The following TMEM30A variants were observed in gnomAD, a reference collection of about 807,000 sequenced individuals.
TMEM30A encodes the protein cell division cycle 50 P4-ATPase accessory subunit A.
A neutral mutation model predicts 38.2 loss-of-function variants in TMEM30A; 24 were observed. The observed-to-expected ratio is 0.63, with a 90% confidence interval of 0.46 to 0.88. The LOEUF is 0.88. Ranked by LOEUF, TMEM30A falls within the 40% of genes least tolerant of loss-of-function variation. TMEM30A has a pLI of 0.00. For missense variants in TMEM30A, 370 were observed against 458.6 expected (o/e 0.81, Z 1.77); for synonymous variants, 145 against 161.6 (o/e 0.90, Z 0.78).
chr6:75,255,418 C>T lies in TMEM30A; in HGVS notation c.*684G>A, dbSNP rs1465844045. ...AGTTGGGGTTCCTGACTGCAACATT[C>T]AACCAAACGGAAAGAGGAATTTTTT... is the stretch of plus-strand genomic sequence containing the variant. On this transcript the variant is annotated 3_prime_UTR_variant, in exon 7 of 7. Coordinates refer to ENST00000230461, the MANE Select transcript of TMEM30A (RefSeq NM_018247.4). 1 of 152,368 alleles carries T rather than the reference C, an allele frequency of 6.6e-6. No individual in the cohort carries two copies. The highest frequency in any genetic ancestry group is 1.5e-5 in the Non-Finnish European group (1 of 67,956). The allele number at this position is 152,368 out of a possible 1,614,324, so 9.4% of individuals were successfully genotyped here.
At chr6:75,279,455 T>G (rs1242363498) in intron 1 of TMEM30A, among the ~76,000 whole-genome samples, 1 of 152,090 alleles carries the variant, frequency 6.6e-6, no homozygotes, top group African/African-American at 2.4e-5. Context: ...TTCCTATCTT[T>G]AGAAACAAAA....
chr6:75,258,655 A>G (rs553767696), intron 6 of TMEM30A, 125 bp downstream of exon 6: 1 of 765,822 alleles, frequency 1.3e-6, no homozygotes, highest in Non-Finnish European at 2.1e-6. Context: ...TATACCACAC[A>G]TACTTTTGTA....
At chr6:75,258,576 C>T (rs1040578015) in intron 6 of TMEM30A, among the ~76,000 whole-genome samples, 1 of 152,108 alleles carries the variant, frequency 6.6e-6, no homozygotes, top group Admixed American at 6.6e-5. Context: ...ATGCTTCAAA[C>T]CCCAGTACCA....
At chr6:75,263,808 T>A (rs2149520012) in intron 3 of TMEM30A, among the ~76,000 whole-genome samples, 1 of 152,308 alleles carries the variant, frequency 6.6e-6, no homozygotes, top group South Asian at 2.1e-4. Flanking sequence ...AAAAAGTTGA[T>A]CTATTCCTGG....
At chr6:75,269,886 G>A (rs1396822001) in intron 1 of TMEM30A, among the ~76,000 whole-genome samples, 1 of 152,046 alleles carries the variant, frequency 6.6e-6, no homozygotes, top group Non-Finnish European at 1.5e-5. Context: ...GTAGAGGCGG[G>A]GTTTCACCAT....
chr6:75,284,718 G>A lies in TMEM30A; in HGVS notation c.-80C>T. On this transcript the variant is annotated 5_prime_UTR_variant, in exon 1 of 7. Transcript: ENST00000230461. ...CGGCTGACCCTGACAGGAACCGCTC[G>A]AGCGCCGCTGCCGCCGCCGCCGCCG... 6.9e-7 allele frequency: 1 copy of A among 1,457,484 alleles called. No individual in the cohort carries two copies. The highest frequency in any genetic ancestry group is 1.1e-5 in the South Asian group (1 of 88,070). The allele number at this position is 1,457,484 out of a possible 1,614,324, so 90.3% of individuals were successfully genotyped here.
In TMEM30A at chr6:75,259,306, C is replaced by A. The variant is rs188944117; in HGVS notation, c.685+41G>T. Reference sequence around the variant, plus strand: ...GAAAATTTAAAATACTTCATTAAAACTCCTAGTTTAATTTTTTAAGGGATA... The same window carrying A: ...GAAAATTTAAAATACTTCATTAAAAATCCTAGTTTAATTTTTTAAGGGATA... On this transcript the variant is annotated intron_variant, in intron 5 of 6. Transcript: ENST00000230461. The A allele has an allele frequency of 3.8e-4, 601 of 1,561,710 alleles. 10 individuals carry two copies. In the East Asian group the frequency reaches 0.012, roughly 32 times the overall value.
chr6:75,258,406 T>C (rs563065517), intron 6 of TMEM30A, among the ~76,000 whole-genome samples: 1 of 152,232 alleles, frequency 6.6e-6, no homozygotes, highest in East Asian at 1.9e-4. Context: ...ATTTTTAATA[T>C]CTAAAATATA....
intron 1 of TMEM30A, among the ~76,000 whole-genome samples, chr6:75,275,428 C>T (rs1044651986): frequency 1.3e-5 from 2 of 152,116 alleles, no homozygotes; most frequent in South Asian, 2.1e-4. Flanking sequence ...GGCATCTCAT[C>T]CTAACAAGTC....
rs1771818547 is a variant in TMEM30A, at chr6:75,253,576, C to CTT, written c.*2525_*2526insAA. On this transcript the variant is annotated 3_prime_UTR_variant, in exon 7 of 7. Coordinates refer to ENST00000230461, the MANE Select transcript of TMEM30A (RefSeq NM_018247.4). ...CTAAATGTAAGCAACAACACTGGAG[C>CTT]ATTGTTATTTTATCAAGACACCTGA... 6.6e-6 allele frequency: 1 copy of CTT among 152,538 alleles called. No individual in the cohort carries two copies. The highest frequency in any genetic ancestry group is 1.5e-5 in the Non-Finnish European group (1 of 68,010). The allele number at this position is 152,538 out of a possible 1,614,324, so 9.4% of individuals were successfully genotyped here. A position where few individuals can be genotyped will look rare whatever the true frequency, so the allele number is the denominator to read the frequency against.
chr6:75,270,490 T>C (rs1562393848), intron 1 of TMEM30A, among the ~76,000 whole-genome samples: 1 of 152,046 alleles, frequency 6.6e-6, no homozygotes, highest in Non-Finnish European at 1.5e-5. Flanking sequence ...AGTGTCCTTA[T>C]AAGATGAGGA....
At chr6:75,256,828 C>G in intron 6 of TMEM30A, 4 of 459,030 alleles carry the variant, frequency 8.7e-6, no homozygotes, top group South Asian at 6.2e-5. Context: ...AAAACTCACT[C>G]TGTGACACAG....
chr6:75,259,372 T>C lies in TMEM30A; in HGVS notation c.660A>G (p.Gly220=). The C allele has an allele frequency of 6.2e-7, 1 of 1,612,454 alleles. No homozygotes were observed. Among genetic ancestry groups the C allele is most frequent in the Non-Finnish European group, 8.5e-7 (1 of 1,179,430 alleles). The change falls in exon 5 of 7, where the codon GGA becomes GGG. Residue 220 remains glycine, a synonymous_variant. Transcript: ENST00000230461. ...CTTTAAATCGTTCTTCCAGGTTGTC[T>C]CCTCCAGGGGGATTTCTGAATTTCA... The part of the protein sequence containing the change: ...KNVKFRNPPG[G]DNLEERFKGT...
Position 75,256,165 on chromosome 6 carries a change from A to C in TMEM30A, c.1023T>G (p.Val341=), listed in dbSNP as rs771535194. The change falls in exon 7 of 7, where the codon GTT becomes GTG. Residue 341 remains valine (V), a synonymous_variant. Transcript: ENST00000230461. ...AVGSISFLLG[V]VLLVINHKYR... ...ATTTATGATTAATTACTAGCAGTAC[A>C]ACTCCCAGAAGGAAGGAGATGGATC... 1 of 1,613,200 alleles carries C rather than the reference A, an allele frequency of 6.2e-7. No homozygotes were observed.
chr6:75,260,934 G>C (rs1341053690), intron 3 of TMEM30A, 23 bp from the exon 4 acceptor site: 1 of 1,543,172 alleles, frequency 6.5e-7, no homozygotes, highest in Non-Finnish European at 8.8e-7. Context: ...AGGAAAAGAA[G>C]AGAGAAATTA....
chr6:75,276,366 A>G (rs919824387), intron 1 of TMEM30A, among the ~76,000 whole-genome samples: 12 of 152,260 alleles, frequency 7.9e-5, no homozygotes, highest in Admixed American at 7.2e-4. Context: ...CCAGAAGTAC[A>G]GGTCGCAGCC....
intron 6 of TMEM30A, among the ~76,000 whole-genome samples, chr6:75,258,442 C>T (rs1771905408): frequency 1.3e-5 from 2 of 152,062 alleles, no homozygotes; most frequent in African/African-American, 2.4e-5. Context: ...CAGTACCACT[C>T]AACACCCAAT....
At chr6:75,266,683 T>G (rs73451776) in intron 2 of TMEM30A, among the ~76,000 whole-genome samples, 295 of 152,330 alleles carry the variant, frequency 1.9e-3, no homozygotes, top group African/African-American at 6.8e-3. Context: ...AGTCTCTCGT[T>G]TCTTCAATTC....
intron 1 of TMEM30A, among the ~76,000 whole-genome samples, chr6:75,278,004 T>C (rs1359983045): frequency 6.6e-6 from 1 of 151,830 alleles, no homozygotes; most frequent in Non-Finnish European, 1.5e-5. Context: ...AAAAAAGAGG[T>C]TGAAGAAAAC....
Sources: gnomAD v4.1 joint callset for allele counts (sites outside exome capture counted in the v4.1 genomes callset) on GRCh38, gnomAD v4.1.1 for gene constraint, MANE v1.5 for transcripts, NCBI Gene and HGNC (gene_info 2026-07-23, HGNC 2026-07-21) for gene names.